ZNF385B: variants seen among roughly 807,000 people sequenced by gnomAD.
ZNF385B encodes the protein zinc finger protein 385B, also known as zinc finger protein 533.
A neutral mutation model predicts 39.2 loss-of-function variants in ZNF385B; 23 were observed. The ratio of observed to expected loss-of-function variants is 0.59; its 90% CI spans 0.42 to 0.83. The LOEUF (loss-of-function observed/expected upper bound fraction) is 0.83. ZNF385B is among the 40% of genes least tolerant of loss of function. The pLI is 0.00. For missense variants in ZNF385B, 552 were observed against 598.9 expected (o/e 0.92, Z 0.82); for synonymous variants, 205 against 222.6 (o/e 0.92, Z 0.70).
At chr2:179,532,292 T>C (rs1366347290) in intron 4 of ZNF385B, among the ~76,000 whole-genome samples, 3 of 152,240 alleles carry the variant, frequency 2.0e-5, no homozygotes, top group Non-Finnish European at 4.4e-5. Flanking sequence ...TGCCTCTATA[T>C]GTTCTGAATA....
intron 5 of ZNF385B, among the ~76,000 whole-genome samples, chr2:179,495,407 A>G (rs2056094318): frequency 1.3e-5 from 2 of 152,176 alleles, no homozygotes; most frequent in Admixed American, 1.3e-4. Flanking sequence ...GCACTTCTGG[A>G]CCCACCTGGG....
Position 179,728,362 on chromosome 2 carries a change from T to G in ZNF385B, c.298+41141A>C, listed in dbSNP as rs139824484. 8.0e-3 allele frequency among the ~76,000 whole-genome samples: 1,220 copies of G among 152,224 alleles called. 14 individuals are homozygous for G. The highest frequency in any genetic ancestry group is 0.027 in the African/African-American group (1,120 of 41,566). ...CTTAAAGGATACTAAAAAAAATTAG[T>G]CTCAATTCCTTGTTTTGGAGATGAG... On this transcript the variant is annotated intron_variant, in intron 3 of 9. Transcript: ENST00000410066.
At chr2:179,445,315 G>C (rs3817351) in intron 8 of ZNF385B, among the ~76,000 whole-genome samples, 65,980 of 151,914 alleles carry the variant, frequency 0.43, 14,479 homozygotes, top group East Asian at 0.56. Flanking sequence ...AGTGACTACT[G>C]TTCCTATCTC....
intron 1 of ZNF385B, among the ~76,000 whole-genome samples, chr2:179,831,222 T>C (rs1707966170): frequency 6.6e-6 from 1 of 152,232 alleles, no homozygotes; most frequent in African/African-American, 2.4e-5. Flanking sequence ...ATAGTTACTA[T>C]GCATTTACAA....
intron 3 of ZNF385B, among the ~76,000 whole-genome samples, chr2:179,671,178 T>C (rs1200710292): frequency 1.3e-5 from 2 of 152,228 alleles, no homozygotes; most frequent in Non-Finnish European, 2.9e-5. Context: ...AGCTGCTTAA[T>C]GTTCCTCAAC....
rs186730615 is a variant in ZNF385B at position 179,731,428 on chromosome 2, C to T, written c.298+38075G>A. 3.3e-5 allele frequency among the ~76,000 whole-genome samples: 5 copies of T among 152,220 alleles called. No individual in the cohort carries two copies. The South Asian group carries it at 6.2e-4, about 19-fold the overall frequency. ...GCCATGTGTACTTTCTTAATTCACT[C>T]GTAACTGTTTCTTCACAATCAATTC... On this transcript the variant is annotated intron_variant, in intron 3 of 9. Transcript: ENST00000410066.
intron 3 of ZNF385B, among the ~76,000 whole-genome samples, chr2:179,627,934 T>C (rs1350806417): frequency 6.6e-6 from 1 of 152,194 alleles, no homozygotes; most frequent in Non-Finnish European, 1.5e-5. Flanking sequence ...TTTAGTTATC[T>C]AAAAGTAGTT....
chr2:179,547,183 T>C (rs2060288994), intron 3 of ZNF385B, among the ~76,000 whole-genome samples: 1 of 149,602 alleles, frequency 6.7e-6, no homozygotes, highest in South Asian at 2.1e-4. Context: ...CTTCACTTTG[T>C]TGACTGTTTT....
chr2:179,777,358 T>C (rs1219147492), intron 1 of ZNF385B, among the ~76,000 whole-genome samples: 2 of 152,112 alleles, frequency 1.3e-5, no homozygotes, highest in Non-Finnish European at 2.9e-5. Flanking sequence ...ATAATTAACA[T>C]GAAAGCTATT....
chr2:179,848,622 A>T (rs1325345053), intron 1 of ZNF385B, among the ~76,000 whole-genome samples: 1 of 152,144 alleles, frequency 6.6e-6, no homozygotes, highest in African/African-American at 2.4e-5. Flanking sequence ...AAGATATACG[A>T]CCCCACATCC....
At position 179,680,154 on chromosome 2, in the gene ZNF385B, A is replaced by G. The variant is rs547173245; in HGVS notation, c.298+89349T>C. ...TCTTACTATTTCAACAGAATAGAGG[A>G]GAAAAATCATGTGATCATCTCAAGA... On this transcript the variant is annotated intron_variant, in intron 3 of 9. Coordinates refer to ENST00000410066, the MANE Select transcript of ZNF385B (RefSeq NM_152520.6). Among the ~76,000 whole-genome samples the G allele has an allele frequency of 3.0e-4, 46 of 152,330 alleles. 1 individual carries two copies. In the South Asian group the frequency reaches 9.3e-3, roughly 31 times the overall value.
At chr2:179,602,307 G>A (rs1000635602) in intron 3 of ZNF385B, among the ~76,000 whole-genome samples, 2 of 151,980 alleles carry the variant, frequency 1.3e-5, no homozygotes, top group African/African-American at 2.4e-5. Context: ...AGCGATTCTC[G>A]TGCTCAGCCT....
chr2:179,646,632 TGAGCCTACGG>T (rs72222073), intron 3 of ZNF385B, among the ~76,000 whole-genome samples: 4,450 of 152,302 alleles, frequency 0.029, 193 homozygotes, highest in African/African-American at 0.1. Context: ...TCAGGTTCTC[TGAGCCTACGG>T]GCTTGGCACT....
At chr2:179,754,346 T>C (rs1327590617) in intron 3 of ZNF385B, among the ~76,000 whole-genome samples, 1 of 152,236 alleles carries the variant, frequency 6.6e-6, no homozygotes, top group Non-Finnish European at 1.5e-5. Flanking sequence ...AGTATTTTAT[T>C]GAGGATTTTT....
intron 1 of ZNF385B, among the ~76,000 whole-genome samples, chr2:179,838,196 T>C (rs1559239490): frequency 6.6e-6 from 1 of 152,194 alleles, no homozygotes; most frequent in Admixed American, 6.5e-5. Context: ...ATCCTTTTTT[T>C]CAAATAAAAT....
At chr2:179,473,501 G>A (rs1020016943) in intron 6 of ZNF385B, among the ~76,000 whole-genome samples, 2 of 152,028 alleles carry the variant, frequency 1.3e-5, no homozygotes, top group Admixed American at 6.6e-5. Flanking sequence ...AACAATCCTA[G>A]GAGGTAGGTA....
intron 1 of ZNF385B, among the ~76,000 whole-genome samples, chr2:179,791,690 A>G (rs530717650): frequency 1.3e-5 from 2 of 152,350 alleles, no homozygotes; most frequent in Non-Finnish European, 2.9e-5. Context: ...GGAAACAAAA[A>G]GAAAAATAAT....
intron 3 of ZNF385B, among the ~76,000 whole-genome samples, chr2:179,595,755 C>T (rs564566152): frequency 6.6e-6 from 1 of 151,422 alleles, no homozygotes; most frequent in East Asian, 2.0e-4. Context: ...TGCAACCCAC[C>T]CCCAAGTAGC....
At chr2:179,696,508 A>G (rs1698773505) in intron 3 of ZNF385B, among the ~76,000 whole-genome samples, 1 of 151,944 alleles carries the variant, frequency 6.6e-6, no homozygotes, top group South Asian at 2.1e-4. Flanking sequence ...AAGTAAAACA[A>G]TATATCCTAA....
Sources: gnomAD v4.1 joint callset for allele counts (sites outside exome capture counted in the v4.1 genomes callset) on GRCh38, gnomAD v4.1.1 for gene constraint, MANE v1.5 for transcripts, NCBI Gene and HGNC (gene_info 2026-07-23, HGNC 2026-07-21) for gene names.